Variants in PCNX1 observed in about 807,000 individuals in gnomAD.
PCNX1 encodes the protein pecanex 1.
In PCNX1, 78 loss-of-function variants were observed where a neutral mutation model predicts 242.2. The ratio of observed to expected loss-of-function variants is 0.32; its 90% CI spans 0.27 to 0.39. The LOEUF (loss-of-function observed/expected upper bound fraction) is 0.39. PCNX1 is among the 10% of genes least tolerant of loss of function. The pLI, the probability that PCNX1 is intolerant of heterozygous loss-of-function variation, is 1.00. For synonymous variants in PCNX1, 1,024 were observed against 1,032.9 expected, an observed-to-expected ratio of 0.99 and a Z score of 0.17; for missense variants, 2,581 against 2,856.5, an observed-to-expected ratio of 0.90 and a Z score of 2.20.
intron 23 of PCNX1, 122 bp from the exon 24 acceptor site, chr14:71,051,761 C>T: frequency 1.1e-6 from 1 of 878,830 alleles, no homozygotes. Context: ...CTTTTGTATT[C>T]TTCTGGTGAA....
At chr14:70,932,785 T>A (rs1049292471) in intron 1 of PCNX1, among the ~76,000 whole-genome samples, 5 of 151,986 alleles carry the variant, frequency 3.3e-5, no homozygotes, top group Non-Finnish European at 7.4e-5. Flanking sequence ...GCTAATTTTG[T>A]ATTTTTAGTA....
intron 19 of PCNX1, among the ~76,000 whole-genome samples, chr14:71,042,620 A>G (rs1025083042): frequency 1.3e-5 from 2 of 151,988 alleles, no homozygotes; most frequent in East Asian, 1.9e-4. Flanking sequence ...AAAAAAAAAA[A>G]TTTAAGCAGA....
intron 1 of PCNX1, among the ~76,000 whole-genome samples, chr14:70,941,074 C>T (rs1413036411): frequency 1.3e-5 from 2 of 152,138 alleles, no homozygotes; most frequent in Non-Finnish European, 2.9e-5. Flanking sequence ...TTCGAACATC[C>T]TCCTTTAGCT....
intron 30 of PCNX1, chr14:71,092,566 A>G (rs543891506): frequency 6.6e-6 from 1 of 152,428 alleles, no homozygotes; most frequent in South Asian, 2.1e-4. Context: ...CATTGAGGAA[A>G]AAGGTTATCT....
chr14:71,032,997 T>G (rs903611483), intron 16 of PCNX1, among the ~76,000 whole-genome samples: 6 of 152,246 alleles, frequency 3.9e-5, no homozygotes, highest in African/African-American at 1.4e-4. Context: ...AATGTCAGAC[T>G]TTTCTTTTGC....
Position 71,057,637 on chromosome 14 carries a change from G to A in PCNX1, c.4765G>A (p.Ala1589Thr). 6.2e-7 allele frequency: 1 copy of A among 1,613,948 alleles called. No homozygotes were observed. ...CAGTACAGGGGACTGTTTCATCCTT[G>A]CCTCTGACTATCTCAATGCATTAGT... is the stretch of plus-strand genomic sequence containing the variant. ...NYSTGDCFIL[A>T]SDYLNALVHL... Residue 1589 changes from alanine (A) to threonine (T), a missense_variant, in exon 26 of 36, where the codon GCC becomes ACC. Ala to Thr is a moderately conservative substitution (Grantham distance 58). This residue lies in a region of PCNX1 where 54 missense variants were observed against 45.3 expected (regional missense o/e 1.19). Coordinates refer to ENST00000304743, the MANE Select transcript of PCNX1 (RefSeq NM_014982.3).
At chr14:71,023,891 TGAA>T (rs1010203441) in intron 13 of PCNX1, among the ~76,000 whole-genome samples, 1 of 152,136 alleles carries the variant, frequency 6.6e-6, no homozygotes, top group African/African-American at 2.4e-5. Context: ...ACTGGAATAA[TGAA>T]TAATGGGAAT....
At chr14:70,932,544 T>C (rs577163695) in intron 1 of PCNX1, among the ~76,000 whole-genome samples, 1 of 152,174 alleles carries the variant, frequency 6.6e-6, no homozygotes, top group South Asian at 2.1e-4. Context: ...CAGTTACCTT[T>C]TATGTCAAAT....
chr14:71,086,201 T>C (rs2061985312), intron 28 of PCNX1, among the ~76,000 whole-genome samples: 1 of 152,242 alleles, frequency 6.6e-6, no homozygotes. Flanking sequence ...TCATTCAACA[T>C]GCTCAGTCAT....
rs750398583 is a variant in PCNX1, at chr14:71,109,006, A to G, written c.6704A>G (p.Asn2235Ser). ...GGCAACACCTTAAGTCCTGCCAACA[A>G]TTCACACTCCAGAAAGGCAGAAGTG... is the stretch of plus-strand genomic sequence containing the variant. ...QPGNTLSPAN[N>S]SHSRKAEVIY... is the part of the protein sequence containing the mutation. The change falls in exon 34 of 36, where the codon AAT (asparagine) becomes AGT (serine). Residue 2235 changes from asparagine (N) to serine (S), a missense_variant. Transcript: ENST00000304743. 9.3e-6 allele frequency: 15 copies of G among 1,613,858 alleles called. No homozygotes were observed. Among genetic ancestry groups the G allele is most frequent in the East Asian group, 4.5e-5 (2 of 44,888 alleles).
intron 1 of PCNX1, among the ~76,000 whole-genome samples, chr14:70,911,363 C>T (rs903369463): frequency 1.3e-5 from 2 of 152,034 alleles, no homozygotes; most frequent in African/African-American, 4.8e-5. Flanking sequence ...GATTCAAACA[C>T]TTTTGGTGTT....
intron 6 of PCNX1, among the ~76,000 whole-genome samples, chr14:70,983,314 T>C (rs1422690644): frequency 6.6e-6 from 1 of 152,182 alleles, no homozygotes; most frequent in Non-Finnish European, 1.5e-5. Context: ...AATAATTTTT[T>C]TTTTTCTTGG....
intron 1 of PCNX1, among the ~76,000 whole-genome samples, chr14:70,916,757 G>C (rs1026584872): frequency 6.6e-6 from 1 of 152,170 alleles, no homozygotes; most frequent in Admixed American, 6.5e-5. Flanking sequence ...GGTTGAGGTG[G>C]CTGTGGCAAT....
At chr14:71,032,188 C>T (rs977994118) in intron 16 of PCNX1, among the ~76,000 whole-genome samples, 1 of 152,208 alleles carries the variant, frequency 6.6e-6, no homozygotes, top group African/African-American at 2.4e-5. Flanking sequence ...CTCTTGTCTC[C>T]CTCATATACC....
At chr14:71,025,559 A>G (rs2060219833) in intron 13 of PCNX1, among the ~76,000 whole-genome samples, 1 of 152,118 alleles carries the variant, frequency 6.6e-6, no homozygotes, top group Admixed American at 6.6e-5. Flanking sequence ...ATGTATGTAC[A>G]TATATACACA....
chr14:71,045,591 C>T (rs117775535), intron 20 of PCNX1, among the ~76,000 whole-genome samples: 2,159 of 152,208 alleles, frequency 0.014, 24 homozygotes, highest in Middle Eastern at 0.034. Flanking sequence ...TTTCCTGACC[C>T]TACTCTTCCC....
intron 5 of PCNX1, among the ~76,000 whole-genome samples, chr14:70,972,915 G>A (rs1408961886): frequency 6.6e-6 from 1 of 152,142 alleles, no homozygotes; most frequent in Non-Finnish European, 1.5e-5. Flanking sequence ...CATGGGGATA[G>A]AAAACTGGAT....
At position 70,978,071 on chromosome 14, in the gene PCNX1, G is replaced by C; in HGVS notation, c.1734G>C (p.Arg578Ser). 1 of 1,613,768 alleles carries C rather than the reference G, an allele frequency of 6.2e-7. No homozygotes were observed. The highest frequency in any genetic ancestry group is 8.5e-7 in the Non-Finnish European group (1 of 1,179,946). Residue 578 changes from arginine (R) to serine (S), a missense_variant, in exon 6 of 36, where the codon AGG (arginine) becomes AGC (serine). By Grantham distance (110) the Arg-to-Ser change is moderately radical. Around this residue, in one of 9 missense-constraint regions of PCNX1, gnomAD observed 1,204 missense variants for 1,216.7 expected, o/e 0.99. Coordinates refer to ENST00000304743, the MANE Select transcript of PCNX1 (RefSeq NM_014982.3). ...RASSFDSSRH[R>S]DYVCFRGVSG... is the part of the protein sequence containing the mutation. ...GCAGTTTTGATTCAAGCCGGCATAGGGACTATGTTTGCTTTCGAGGTGTTT... is the reference window on the plus strand; with the variant it reads ...GCAGTTTTGATTCAAGCCGGCATAGCGACTATGTTTGCTTTCGAGGTGTTT...
At chr14:71,086,010 T>C (rs2061980105) in intron 28 of PCNX1, among the ~76,000 whole-genome samples, 1 of 152,216 alleles carries the variant, frequency 6.6e-6, no homozygotes, top group Admixed American at 6.5e-5. Context: ...TTATTTTCAG[T>C]CTTTTTTCTC....
Sources: allele counts gnomAD v4.1 joint callset (sites outside exome capture counted in the v4.1 genomes callset), GRCh38; gene constraint gnomAD v4.1.1; regional missense constraint gnomAD v4.1.1; transcripts MANE v1.5; gene names NCBI Gene and HGNC (gene_info 2026-07-23, HGNC 2026-07-21).